YES1: variants seen among roughly 807,000 people sequenced by gnomAD.
YES1 encodes the protein tyrosine-protein kinase Yes.
In YES1, 39 loss-of-function variants were observed where a neutral mutation model predicts 70.4. The observed-to-expected ratio is 0.55, with a 90% CI of 0.43 to 0.72. YES1 has a LOEUF of 0.72. Ranked by LOEUF, YES1 falls within the 30% of genes least tolerant of loss-of-function variation. YES1 has a pLI of 0.00. For missense variants in YES1, 495 were observed against 644.8 expected, an observed-to-expected ratio of 0.77 and a Z score of 2.52; for synonymous variants, 198 against 218.6, an observed-to-expected ratio of 0.91 and a Z score of 0.83.
chr18:726,348 C>G (rs548689945), intron 11 of YES1, among the ~76,000 whole-genome samples: 3 of 151,416 alleles, frequency 2.0e-5, no homozygotes, highest in African/African-American at 4.9e-5. Context: ...TCGCTTGAAC[C>G]TGGGAGGTGG....
At chr18:781,289 A>AAT (rs1555689800) in intron 1 of YES1, among the ~76,000 whole-genome samples, 33 of 151,490 alleles carry the variant, frequency 2.2e-4, no homozygotes, top group African/African-American at 7.8e-4. Flanking sequence ...AAAAAAAATA[A>AAT]GAGGGCCTTG....
intron 3 of YES1, among the ~76,000 whole-genome samples, chr18:749,151 A>C (rs1260370799): frequency 6.6e-6 from 1 of 151,596 alleles, no homozygotes; most frequent in Non-Finnish European, 1.5e-5. Context: ...ACAGAGCGAG[A>C]CTCCATCTAA....
At chr18:740,029 A>G (rs2080199452) in intron 8 of YES1, among the ~76,000 whole-genome samples, 1 of 152,240 alleles carries the variant, frequency 6.6e-6, no homozygotes, top group African/African-American at 2.4e-5. Context: ...CAAAAAAAGA[A>G]AATGCATTAA....
chr18:748,073 T>C (rs1208762647), intron 3 of YES1, 55 bp from the exon 4 acceptor site: 7 of 1,410,324 alleles, frequency 5.0e-6, no homozygotes, highest in Non-Finnish European at 7.0e-6. Flanking sequence ...CAAGGTACAA[T>C]ATATTGCAGT....
intron 1 of YES1, among the ~76,000 whole-genome samples, chr18:762,468 G>A (rs865967306): frequency 7.2e-5 from 11 of 151,790 alleles, no homozygotes; most frequent in Admixed American, 6.6e-4. Flanking sequence ...AAACCTGCAC[G>A]TGCACCCCTT....
At chr18:770,943 G>A (rs1940368183) in intron 1 of YES1, among the ~76,000 whole-genome samples, 1 of 151,346 alleles carries the variant, frequency 6.6e-6, no homozygotes, top group Non-Finnish European at 1.5e-5. Context: ...GGCAGTGACT[G>A]TTAGGCAGTG....
intron 1 of YES1, among the ~76,000 whole-genome samples, chr18:809,287 T>C (rs552467236): frequency 1.3e-5 from 2 of 152,310 alleles, no homozygotes; most frequent in South Asian, 4.1e-4. Context: ...CTCTAATTAT[T>C]GTACATTTCG....
intron 3 of YES1, among the ~76,000 whole-genome samples, chr18:748,398 T>C (rs558763939): frequency 8.2e-4 from 124 of 150,826 alleles, no homozygotes; most frequent in Non-Finnish European, 1.4e-3. Flanking sequence ...GTAATTTGCA[T>C]GCCATAAAAT....
chr18:787,080 C>CTTGTTTTTT (rs1905993455), intron 1 of YES1, among the ~76,000 whole-genome samples: 1 of 34,736 alleles, frequency 2.9e-5, no homozygotes, highest in Non-Finnish European at 5.0e-5. Flanking sequence ...TACATACTGT[C>CTTGTTTTTT]TTTTTTTTTT....
intron 1 of YES1, among the ~76,000 whole-genome samples, chr18:775,525 AGTGGC>A (rs879878249): frequency 2.0e-5 from 3 of 152,194 alleles, no homozygotes; most frequent in Non-Finnish European, 2.9e-5. Flanking sequence ...GGCCGGATGT[AGTGGC>A]TCACACCTGT....
At position 742,903 on chromosome 18, in the gene YES1, G is replaced by A. The variant is rs755587747; in HGVS notation, c.1060+15C>T. On this transcript the variant is annotated intron_variant, in intron 8 of 11. Coordinates refer to ENST00000314574, the MANE Select transcript of YES1 (RefSeq NM_005433.4). ...CATTATCAACACAAATACCTAAGGA[G>A]ATACTAATACATACCTTTTGACATA... 1.4e-5 allele frequency: 22 copies of A among 1,556,960 alleles called. No individual in the cohort carries two copies. Among genetic ancestry groups the A allele is most frequent in the African/African-American group, 1.4e-4 (10 of 72,894 alleles).
At chr18:780,428 G>A (rs766361048) in intron 1 of YES1, among the ~76,000 whole-genome samples, 1 of 152,042 alleles carries the variant, frequency 6.6e-6, no homozygotes, top group Non-Finnish European at 1.5e-5. Flanking sequence ...AGAGATCTTA[G>A]CTTAGCACAA....
At chr18:797,917 T>A (rs1232331106) in intron 1 of YES1, 1 of 152,184 alleles carries the variant, frequency 6.6e-6, no homozygotes, top group African/African-American at 2.4e-5. Context: ...GCTACATGCC[T>A]CTATTTTCTT....
intron 1 of YES1, among the ~76,000 whole-genome samples, chr18:801,190 A>G (rs1906801970): frequency 6.6e-6 from 1 of 152,062 alleles, no homozygotes; most frequent in Non-Finnish European, 1.5e-5. Context: ...AAAATTAGCC[A>G]GGCATAGTGG....
chr18:808,035 C>T (rs1260139687), intron 1 of YES1, among the ~76,000 whole-genome samples: 2 of 152,238 alleles, frequency 1.3e-5, no homozygotes, highest in South Asian at 4.1e-4. Context: ...AGGCTTGTAA[C>T]TCAGTCCATT....
intron 1 of YES1, among the ~76,000 whole-genome samples, chr18:767,304 C>T (rs1904957471): frequency 2.0e-5 from 3 of 152,056 alleles, no homozygotes; most frequent in African/African-American, 4.8e-5. Context: ...CGAGCACCAC[C>T]ACGCCTGGCT....
At chr18:731,962 A>G (rs8087495) in intron 11 of YES1, among the ~76,000 whole-genome samples, 4,017 of 74,232 alleles carry the variant, frequency 0.054, 195 homozygotes, top group African/African-American at 0.22. Flanking sequence ...GCGAGACTCC[A>G]TTTCAAAAAA....
chr18:776,720 C>A (rs1312830150), intron 1 of YES1, among the ~76,000 whole-genome samples: 1 of 152,178 alleles, frequency 6.6e-6, no homozygotes. Flanking sequence ...TTCTACAATT[C>A]TGCCTCATAA....
chr18:776,351 G>A (rs556255977), intron 1 of YES1, among the ~76,000 whole-genome samples: 18 of 152,132 alleles, frequency 1.2e-4, no homozygotes, highest in African/African-American at 4.1e-4. Context: ...ATGCCACCAC[G>A]CCTGGCCAAT....
Sources: allele counts gnomAD v4.1 joint callset (sites outside exome capture counted in the v4.1 genomes callset), GRCh38; gene constraint gnomAD v4.1.1; transcripts MANE v1.5; gene names NCBI Gene and HGNC (gene_info 2026-07-23, HGNC 2026-07-21).